The following EPB41L5 variants were observed in gnomAD, a reference collection of about 807,000 sequenced individuals.
EPB41L5 encodes the protein erythrocyte membrane protein band 4.1 like 5, also known as band 4.1-like protein 5.
Under a neutral mutation model 106.6 loss-of-function variants are expected in EPB41L5, and 55 were observed. The ratio of observed to expected loss-of-function variants is 0.52; its 90% CI spans 0.42 to 0.65. The LOEUF is 0.65. Among genes scored for constraint, EPB41L5 ranks in the 30% least tolerant of loss-of-function variants. The pLI, the probability that EPB41L5 is intolerant of heterozygous loss-of-function variation, is 0.00. For missense variants in EPB41L5, 871 were observed against 882.1 expected, an observed-to-expected ratio of 0.99 and a Z score of 0.16; for synonymous variants, 297 against 306.7, an observed-to-expected ratio of 0.97 and a Z score of 0.33.
At chr2:120,051,504 A>C in intron 3 of EPB41L5, among the ~76,000 whole-genome samples, 1 of 152,166 alleles carries the variant, frequency 6.6e-6, no homozygotes, top group East Asian at 1.9e-4. Context: ...ACCGTTGGAA[A>C]AGCTCAGTAT....
intron 20 of EPB41L5, among the ~76,000 whole-genome samples, chr2:120,155,269 G>A (rs553187780): frequency 6.6e-6 from 1 of 152,198 alleles, no homozygotes; most frequent in African/African-American, 2.4e-5. Flanking sequence ...TAGTTTTGTT[G>A]AATATAGAAT....
Position 120,091,576 on chromosome 2 carries a change from C to T in EPB41L5, c.1065C>T (p.Thr355=), listed in dbSNP as rs1399831774. 6.2e-7 allele frequency: 1 copy of T among 1,613,534 alleles called. No homozygotes were observed. The highest frequency in any genetic ancestry group is 1.1e-5 in the South Asian group (1 of 91,052). ...TTAGTGGGAAAACAGAGTATCAGACCACAAAAACCAATAAAGCAAGAAGAT... is the reference window on the plus strand; with the variant it reads ...TTAGTGGGAAAACAGAGTATCAGACTACAAAAACCAATAAAGCAAGAAGAT... ...FRYSGKTEYQ[T]TKTNKARRST... The change falls in exon 13 of 25, where the codon ACC becomes ACT. Residue 355 remains threonine (T), a synonymous_variant. Coordinates refer to ENST00000263713, the MANE Select transcript of EPB41L5 (RefSeq NM_020909.4).
chr2:120,026,725 A>T (rs559880026), intron 2 of EPB41L5, among the ~76,000 whole-genome samples: 2 of 152,330 alleles, frequency 1.3e-5, no homozygotes, highest in Admixed American at 1.3e-4. Flanking sequence ...GAAAAAGTAA[A>T]TAAATTGGAC....
intron 24 of EPB41L5, among the ~76,000 whole-genome samples, chr2:120,173,594 AG>A (rs1216551658): frequency 3.3e-5 from 5 of 152,252 alleles, no homozygotes; most frequent in African/African-American, 9.6e-5. Context: ...AGAGTGGTAC[AG>A]GTGACTCTGT....
chr2:120,130,153 A>AG (rs963615341), intron 17 of EPB41L5, among the ~76,000 whole-genome samples: 1 of 151,942 alleles, frequency 6.6e-6, no homozygotes, highest in African/African-American at 2.4e-5. Context: ...CAAAAAAAAA[A>AG]AAAAAAAAGG....
intron 24 of EPB41L5, among the ~76,000 whole-genome samples, chr2:120,173,676 G>A (rs748645458): frequency 2.0e-5 from 3 of 152,006 alleles, no homozygotes; most frequent in Non-Finnish European, 2.9e-5. Flanking sequence ...CTTTGATATC[G>A]TTTTACATCT....
chr2:120,152,368 C>T (rs1201212637), intron 20 of EPB41L5, among the ~76,000 whole-genome samples: 1 of 152,134 alleles, frequency 6.6e-6, no homozygotes, highest in African/African-American at 2.4e-5. Flanking sequence ...CCTACTTGGT[C>T]ATGTTATATA....
rs1435873762 is a variant in EPB41L5, at chr2:120,167,917, T to C, written c.2045T>C (p.Met682Thr). 2 of 1,614,098 alleles carry C rather than the reference T, an allele frequency of 1.2e-6. No individual in the cohort carries two copies. The highest frequency in any genetic ancestry group is 2.7e-5 in the African/African-American group (2 of 75,020). Residue 682 changes from methionine (M) to threonine (T), a missense_variant, in exon 24 of 25, where the codon ATG (methionine) becomes ACG (threonine). Coordinates refer to ENST00000263713, the MANE Select transcript of EPB41L5 (RefSeq NM_020909.4). Reference sequence around the variant, plus strand: ...TCTAATGGACTTGCGGGATGTGAAATGCTTTTGACAGGGAAGGAGGGACAT... The same window carrying C: ...TCTAATGGACTTGCGGGATGTGAAACGCTTTTGACAGGGAAGGAGGGACAT... ...AMSNGLAGCE[M>T]LLTGKEGHGN... is the part of the protein sequence containing the mutation.
intron 16 of EPB41L5, among the ~76,000 whole-genome samples, chr2:120,108,676 T>C (rs1387418672): frequency 6.6e-6 from 1 of 152,158 alleles, no homozygotes; most frequent in African/African-American, 2.4e-5. Flanking sequence ...TTATACCCAT[T>C]AACAGAGAAG....
chr2:120,088,393 T>C (rs765346861), intron 11 of EPB41L5, among the ~76,000 whole-genome samples: 2 of 152,100 alleles, frequency 1.3e-5, no homozygotes, highest in Admixed American at 6.6e-5. Context: ...TAAGAACTTA[T>C]GAACACAAAG....
chr2:120,015,135 A>C (rs1274838596), intron 1 of EPB41L5, among the ~76,000 whole-genome samples: 2 of 151,442 alleles, frequency 1.3e-5, no homozygotes, highest in Non-Finnish European at 3.0e-5. Context: ...TATCCTGGCT[A>C]ACACGGTGAA....
chr2:120,061,548 C>G (rs1433215536), intron 3 of EPB41L5, among the ~76,000 whole-genome samples: 1 of 151,682 alleles, frequency 6.6e-6, no homozygotes, highest in Non-Finnish European at 1.5e-5. Flanking sequence ...GACAGGGTTT[C>G]ACCACGTTGG....
At chr2:120,036,759 G>A (rs1679065692) in intron 2 of EPB41L5, among the ~76,000 whole-genome samples, 3 of 152,154 alleles carry the variant, frequency 2.0e-5, no homozygotes, top group African/African-American at 7.2e-5. Flanking sequence ...TTGATGGGAT[G>A]AAATTAGGAT....
rs1172657662 is a variant in EPB41L5 at position 120,129,336 on chromosome 2, A to AG, written c.1501+1485_1501+1486insG. Among the ~76,000 whole-genome samples, 515 of 104,858 alleles carry AG rather than the reference A, an allele frequency of 4.9e-3. 2 individuals are homozygous for AG. Among genetic ancestry groups the AG allele is most frequent in the Non-Finnish European group, 8.0e-3 (345 of 43,108 alleles). 68.8% of individuals were successfully genotyped at this position (104,858 alleles called of 152,430 possible). ...GGGCCACAGAGCAAGACTCTGTCTC[A>AG]AAAAAAAAAAGAAAGAAAGAAAGAA... On this transcript the variant is annotated intron_variant, in intron 17 of 24. Coordinates refer to ENST00000263713, the MANE Select transcript of EPB41L5 (RefSeq NM_020909.4).
intron 24 of EPB41L5, among the ~76,000 whole-genome samples, chr2:120,171,227 C>T (rs139305972): frequency 3.7e-4 from 56 of 152,204 alleles, no homozygotes; most frequent in African/African-American, 1.3e-3. Context: ...AAAATCTAAG[C>T]CTGAATAGGG....
At chr2:120,110,322 C>T (rs762705986) in intron 16 of EPB41L5, among the ~76,000 whole-genome samples, 1 of 152,188 alleles carries the variant, frequency 6.6e-6, no homozygotes, top group Non-Finnish European at 1.5e-5. Flanking sequence ...TTGCTAATGC[C>T]TACTTATCTC....
intron 20 of EPB41L5, among the ~76,000 whole-genome samples, chr2:120,159,335 A>G (rs1345691341): frequency 1.3e-5 from 2 of 150,554 alleles, no homozygotes; most frequent in Non-Finnish European, 3.0e-5. Context: ...AGGCAGGAGA[A>G]TGGAGTGAAC....
At chr2:120,168,311 A>ATGAT (rs1311016064) in intron 24 of EPB41L5, among the ~76,000 whole-genome samples, 1 of 152,172 alleles carries the variant, frequency 6.6e-6, no homozygotes, top group Non-Finnish European at 1.5e-5. Flanking sequence ...ACTATTTATT[A>ATGAT]TGATTATGCC....
intron 3 of EPB41L5, among the ~76,000 whole-genome samples, chr2:120,053,728 T>C (rs1326669069): frequency 6.6e-6 from 1 of 152,198 alleles, no homozygotes; most frequent in Non-Finnish European, 1.5e-5. Flanking sequence ...TACTCATCCA[T>C]TGATGGACAT....
Sources: allele counts gnomAD v4.1 joint callset (sites outside exome capture counted in the v4.1 genomes callset), GRCh38; gene constraint gnomAD v4.1.1; transcripts MANE v1.5; gene names NCBI Gene and HGNC (gene_info 2026-07-23, HGNC 2026-07-21).